Variants in SFTPD observed in about 807,000 individuals in gnomAD.
SFTPD encodes surfactant protein D, also known as pulmonary surfactant-associated protein D.
SFTPD carries 18 observed loss-of-function variants against 34.6 expected under a neutral mutation model. The observed-to-expected ratio is 0.52, with a 90% CI of 0.36 to 0.77. The LOEUF (loss-of-function observed/expected upper bound fraction) is 0.77, where lower values mean the gene tolerates loss of function less well. SFTPD is among the 30% of genes least tolerant of loss of function. The pLI, the probability that SFTPD is intolerant of heterozygous loss-of-function variation, is 0.00. For missense variants in SFTPD, 433 were observed against 468.9 expected (o/e 0.92, Z 0.71); for synonymous variants, 155 against 180.9 (o/e 0.86, Z 1.15).
rs772924069 is a variant in SFTPD at position 79,942,883 on chromosome 10, T to C, written c.200-4A>G. On this transcript the variant is annotated splice_region_variant and splice_polypyrimidine_tract_variant and intron_variant, in intron 2 of 7. Transcript: ENST00000372292. ...TGCCCTGCAGCTCCTGGCAAACCTG[T>C]AGCAGCAGAAGAAATGGACAAAGAC... The C allele has an allele frequency of 3.7e-5, 59 of 1,600,358 alleles. No individual in the cohort carries two copies. Among genetic ancestry groups the C allele is most frequent in the Non-Finnish European group, 5.1e-5 (59 of 1,167,522 alleles).
At chr10:79,957,330 G>T (rs1842745963) in intron 1 of SFTPD, among the ~76,000 whole-genome samples, 1 of 152,196 alleles carries the variant, frequency 6.6e-6, no homozygotes, top group Non-Finnish European at 1.5e-5. Context: ...AGATAAGAAG[G>T]CTTCAGAAGA....
At chr10:79,963,346 C>CT (rs1257701842) in intron 1 of SFTPD, among the ~76,000 whole-genome samples, 1 of 137,116 alleles carries the variant, frequency 7.3e-6, no homozygotes. Flanking sequence ...GACCGTGTCT[C>CT]TTAAAAAAAA....
At chr10:79,972,855 T>C (rs969810016) in intron 1 of SFTPD, 3 of 152,142 alleles carry the variant, frequency 2.0e-5, no homozygotes, top group Non-Finnish European at 2.9e-5. Context: ...GGCGGGCAAA[T>C]GGGCAGAACA....
At chr10:79,951,354 T>C (rs551959941), upstream of SFTPD, among the ~76,000 whole-genome samples, 1 of 152,116 alleles carries the variant, frequency 6.6e-6, no homozygotes, top group Non-Finnish European at 1.5e-5. Flanking sequence ...TTGAATGGGA[T>C]TTTTTCCCCC....
At chr10:79,971,315 G>A (rs559323065) in intron 1 of SFTPD, 1 of 152,180 alleles carries the variant, frequency 6.6e-6, no homozygotes, top group East Asian at 1.9e-4. Context: ...CTGGCCTATG[G>A]TTTTCTTTTT....
At chr10:79,952,785 C>T (rs933353143), upstream of SFTPD, among the ~76,000 whole-genome samples, 1 of 152,192 alleles carries the variant, frequency 6.6e-6, no homozygotes, top group Non-Finnish European at 1.5e-5. Flanking sequence ...CACTTCAACT[C>T]AGGTTTTGGG....
chr10:79,964,610 C>T (rs1176719598), intron 1 of SFTPD, among the ~76,000 whole-genome samples: 1 of 152,170 alleles, frequency 6.6e-6, no homozygotes, highest in Non-Finnish European at 1.5e-5. Context: ...TTGTAGGTTA[C>T]AAGCCGCTAG....
intron 1 of SFTPD, among the ~76,000 whole-genome samples, chr10:79,962,825 A>G (rs971146121): frequency 6.6e-6 from 1 of 152,054 alleles, no homozygotes; most frequent in East Asian, 1.9e-4. Context: ...AATTTAACCC[A>G]CTCTTTTTTA....
chr10:79,940,832 G>A (rs538252480), intron 6 of SFTPD, 44 bp from the exon 7 acceptor site: 77 of 1,320,632 alleles, frequency 5.8e-5, no homozygotes, highest in Non-Finnish European at 7.3e-5. Context: ...TCCAGAGAGC[G>A]AAGGAAGAGC....
At chr10:79,980,015 T>C (rs373969830) in intron 1 of SFTPD, among the ~76,000 whole-genome samples, 7 of 152,316 alleles carry the variant, frequency 4.6e-5, no homozygotes, top group African/African-American at 1.7e-4. Context: ...TAGACTCATC[T>C]TGGGCCTGAA....
At chr10:79,943,879 G>T (rs17884499) in intron 2 of SFTPD, among the ~76,000 whole-genome samples, 6,366 of 152,212 alleles carry the variant, frequency 0.042, 441 homozygotes, top group African/African-American at 0.14. Context: ...GCCTTGCTTG[G>T]GCTTCACCCA....
intron 1 of SFTPD, among the ~76,000 whole-genome samples, chr10:79,959,955 G>C (rs1393717085): frequency 5.3e-5 from 8 of 152,244 alleles, no homozygotes; most frequent in Admixed American, 3.9e-4. Flanking sequence ...CCATGATCAA[G>C]TGGGCTTCAT....
At chr10:79,971,161 A>G (rs1211686310) in intron 1 of SFTPD, 1 of 152,156 alleles carries the variant, frequency 6.6e-6, no homozygotes, top group Non-Finnish European at 1.5e-5. Flanking sequence ...AGTGTTATGT[A>G]TCATGTTGAT....
At chr10:79,978,996 TAA>T (rs1328287249) in intron 1 of SFTPD, among the ~76,000 whole-genome samples, 2 of 152,178 alleles carry the variant, frequency 1.3e-5, no homozygotes, top group Non-Finnish European at 2.9e-5. Context: ...ATAAATTCGG[TAA>T]AGTTTCAGGA....
At chr10:79,980,942 C>A (rs1842886911) in intron 1 of SFTPD, among the ~76,000 whole-genome samples, 1 of 152,186 alleles carries the variant, frequency 6.6e-6, no homozygotes, top group Non-Finnish European at 1.5e-5. Context: ...CCACAAGCAT[C>A]AAGACCACCA....
intron 1 of SFTPD, among the ~76,000 whole-genome samples, chr10:79,961,177 T>C (rs1474089503): frequency 6.6e-6 from 1 of 152,124 alleles, no homozygotes; most frequent in Non-Finnish European, 1.5e-5. Context: ...ATGTTAGACC[T>C]AAAACCATAA....
intron 1 of SFTPD, among the ~76,000 whole-genome samples, chr10:79,960,589 G>T (rs886958493): frequency 6.6e-5 from 10 of 150,408 alleles, no homozygotes; most frequent in African/African-American, 9.9e-5. Context: ...AACTTACAAG[G>T]GATGTGAAGC....
At chr10:79,946,383 G>T in intron 2 of SFTPD, 78 bp downstream of exon 2, 1 of 1,083,744 alleles carries the variant, frequency 9.2e-7, no homozygotes, top group African/African-American at 1.5e-5. Context: ...CCATAACAAA[G>T]TACCCAGAGT....
At chr10:79,946,420 C>A in intron 2 of SFTPD, 41 bp downstream of exon 2, 1 of 1,447,406 alleles carries the variant, frequency 6.9e-7, no homozygotes, top group South Asian at 1.1e-5. Flanking sequence ...GTTCCAATGA[C>A]CATTCCTCCC....
Sources: allele counts gnomAD v4.1 joint callset (sites outside exome capture counted in the v4.1 genomes callset), GRCh38; gene constraint gnomAD v4.1.1; transcripts MANE v1.5; gene names NCBI Gene and HGNC (gene_info 2026-07-23, HGNC 2026-07-21).